Variants in CYP4A22 observed in about 807,000 individuals in gnomAD.
The protein encoded by CYP4A22 is cytochrome P450 4A22.
A neutral mutation model predicts 56.2 loss-of-function variants in CYP4A22; 46 were observed. The ratio of observed to expected loss-of-function variants is 0.82; its 90% CI spans 0.65 to 1.05. The LOEUF is 1.05. CYP4A22 is among the 50% of genes least tolerant of loss of function. The pLI is 0.00. For synonymous variants in CYP4A22, 193 were observed against 251.1 expected, an observed-to-expected ratio of 0.77 and a Z score of 2.19; for missense variants, 541 against 645.9, an observed-to-expected ratio of 0.84 and a Z score of 1.76.
At chr1:47,148,158 C>G (rs1203176574) in intron 11 of CYP4A22, among the ~76,000 whole-genome samples, 2 of 152,176 alleles carry the variant, frequency 1.3e-5, no homozygotes, top group Middle Eastern at 3.2e-3. Flanking sequence ...GATTCAGGTC[C>G]CTGTGTGTCC....
Position 47,144,747 on chromosome 1 carries a change from G to A in CYP4A22, c.1088+7G>A. ...ATGGAGCCTCCATCACCTGGTGAGTGAGGGCTCAAAAGATGGGGTTCCCTG... is the reference window on the plus strand; with the variant it reads ...ATGGAGCCTCCATCACCTGGTGAGTAAGGGCTCAAAAGATGGGGTTCCCTG... On this transcript the variant is annotated splice_region_variant and intron_variant, in intron 8 of 11. Coordinates refer to ENST00000371891, the MANE Select transcript of CYP4A22 (RefSeq NM_001010969.4). The A allele has an allele frequency of 3.1e-6, 5 of 1,613,678 alleles. No individual in the cohort carries two copies. Among genetic ancestry groups the A allele is most frequent in the Non-Finnish European group, 4.2e-6 (5 of 1,179,756 alleles).
chr1:47,143,338 C>T lies in CYP4A22; in HGVS notation c.580C>T (p.Leu194=). 1.9e-6 allele frequency: 3 copies of T among 1,613,950 alleles called. No homozygotes were observed. The South Asian group carries it at 3.3e-5, about 18-fold the overall frequency. ...EVFQHVSLMT[L]DTIMKSAFSH... is the part of the protein sequence containing the mutation. ...CTTTCAGCACGTCTCCTTGATGACC[C>T]TGGACACCATCATGAAGAGTGCCTT... Residue 194 remains leucine, a synonymous_variant, in exon 5 of 12, where the codon CTG becomes TTG. Transcript: ENST00000371891.
chr1:47,144,176 C>T (rs1360225337), intron 6 of CYP4A22, among the ~76,000 whole-genome samples, 181 bp from the exon 7 acceptor site: 1 of 152,210 alleles, frequency 6.6e-6, no homozygotes, highest in Non-Finnish European at 1.5e-5. Flanking sequence ...ATGAACTGTG[C>T]CACTGGTGGG....
rs1645106322 is a variant in CYP4A22 at position 47,149,207 on chromosome 1, T to A, written c.*410T>A. The A allele has an allele frequency of 6.1e-6, 1 of 164,624 alleles. No homozygotes were observed. Among genetic ancestry groups the A allele is most frequent in the Admixed American group, 6.0e-5 (1 of 16,530 alleles). 10.2% of individuals were successfully genotyped at this position (164,624 alleles called of 1,614,324 possible). ...AAAACCCCTCGTGGCTTGGATAGAA[T>A]CCAGGGCTCGTGGCTCTGGAATGTG... On this transcript the variant is annotated 3_prime_UTR_variant, in exon 12 of 12. Coordinates refer to ENST00000371891, the MANE Select transcript of CYP4A22 (RefSeq NM_001010969.4).
chr1:47,143,596 A>C (rs1388484676), intron 5 of CYP4A22, among the ~76,000 whole-genome samples, 166 bp from the exon 6 acceptor site: 1 of 152,190 alleles, frequency 6.6e-6, no homozygotes, highest in Non-Finnish European at 1.5e-5. Context: ...CTGGATGTTC[A>C]TACCATCTGA....
At chr1:47,148,542 T>C in intron 11 of CYP4A22, 60 bp from the exon 12 acceptor site, 1 of 1,535,170 alleles carries the variant, frequency 6.5e-7, no homozygotes, top group Non-Finnish European at 8.8e-7. Context: ...GGCCAAAACC[T>C]GCTCAGATCA....
In CYP4A22 at chr1:47,144,468, G is replaced by A; in HGVS notation, c.897+5G>A. Reference sequence around the variant, plus strand: ...GACATCCTCCTCTTGGCCAAAGTGAGTATGTGTAGGAGAGGCCTGAGTCTT... The same window carrying A: ...GACATCCTCCTCTTGGCCAAAGTGAATATGTGTAGGAGAGGCCTGAGTCTT... On this transcript the variant is annotated splice_donor_5th_base_variant and intron_variant, in intron 7 of 11. Coordinates refer to ENST00000371891, the MANE Select transcript of CYP4A22 (RefSeq NM_001010969.4). The A allele has an allele frequency of 6.2e-7, 1 of 1,614,022 alleles. No homozygotes were observed.
intron 4 of CYP4A22, among the ~76,000 whole-genome samples, chr1:47,142,687 C>T (rs1406485985): frequency 5.9e-5 from 9 of 152,196 alleles, no homozygotes; most frequent in Non-Finnish European, 1.2e-4. Flanking sequence ...GAAATGAACA[C>T]CAGGTCTATG....
intron 11 of CYP4A22, chr1:47,146,732 T>G: frequency 1.0e-6 from 1 of 988,946 alleles, no homozygotes; most frequent in Non-Finnish European, 1.2e-6. Context: ...GTGTGTCATA[T>G]CATACATTTT....
Position 47,140,916 on chromosome 1 carries a change from G to A in CYP4A22, c.332G>A (p.Arg111Lys), listed in dbSNP as rs1282414705. Residue 111 changes from arginine to lysine, a missense_variant, in exon 2 of 12, where the codon AGA becomes AAA. By Grantham distance (26) the Arg-to-Lys change is conservative. This residue lies in a region of CYP4A22 where 335 missense variants were observed against 361.2 expected (regional missense o/e 0.93). Transcript: ENST00000371891. ...DPDYMKVILG[R>K]SDPKSHGSYK... The stretch of plus-strand genomic sequence containing the variant: ...GACTATATGAAGGTGATTCTGGGGA[G>A]ATCAGGTGAGATCGAACCCCCATCC... 6.2e-7 allele frequency: 1 copy of A among 1,613,832 alleles called. No homozygotes were observed. Among genetic ancestry groups the A allele is most frequent in the East Asian group, 2.2e-5 (1 of 44,880 alleles).
chr1:47,138,864 A>G (rs1287694620), intron 1 of CYP4A22, among the ~76,000 whole-genome samples: 1 of 152,220 alleles, frequency 6.6e-6, no homozygotes, highest in East Asian at 1.9e-4. Flanking sequence ...AGAGCAAGGT[A>G]AACGGCTGCA....
intron 11 of CYP4A22, chr1:47,146,628 A>G (rs1048063179): frequency 1.1e-5 from 11 of 1,010,690 alleles, no homozygotes; most frequent in Non-Finnish European, 1.1e-5. Context: ...AAATCTTTGC[A>G]TCTGTTTATA....
intron 1 of CYP4A22, 94 bp from the exon 2 acceptor site, chr1:47,140,686 G>A (rs752124365): frequency 1.0e-4 from 156 of 1,545,778 alleles, no homozygotes; most frequent in Middle Eastern, 1.7e-4. Context: ...TCCCTAACCC[G>A]TGCTACATGG....
At chr1:47,145,724 C>T in intron 9 of CYP4A22, 142 bp from the exon 10 acceptor site, 5 of 1,220,670 alleles carry the variant, frequency 4.1e-6, no homozygotes, top group Non-Finnish European at 4.7e-6. Context: ...AACCCACCTG[C>T]ATAATGGCAG....
chr1:47,139,968 T>C (rs1644988886), intron 1 of CYP4A22, among the ~76,000 whole-genome samples: 1 of 152,132 alleles, frequency 6.6e-6, no homozygotes, highest in Non-Finnish European at 1.5e-5. Flanking sequence ...GGTGTGTGAA[T>C]CAGCAGCAGT....
intron 1 of CYP4A22, among the ~76,000 whole-genome samples, chr1:47,139,663 A>AG (rs1328500532): frequency 6.6e-6 from 1 of 152,224 alleles, no homozygotes; most frequent in East Asian, 1.9e-4. Flanking sequence ...CCTACCCCAC[A>AG]GTAGGGCAAG....
At chr1:47,146,622 C>A (rs1273613340) in intron 11 of CYP4A22, 19 of 1,011,112 alleles carry the variant, frequency 1.9e-5, no homozygotes, top group African/African-American at 3.4e-5. Flanking sequence ...TCATTGAAAT[C>A]TTTGCATCTG....
At chr1:47,141,780 G>A (rs116909100) in intron 3 of CYP4A22, among the ~76,000 whole-genome samples, 165 bp downstream of exon 3, 8 of 152,070 alleles carry the variant, frequency 5.3e-5, no homozygotes, top group Non-Finnish European at 1.0e-4. Flanking sequence ...CCTAATGCTG[G>A]TGCAAACCTT....
chr1:47,148,578 A>G (rs1476428639), intron 11 of CYP4A22, 24 bp from the exon 12 acceptor site: 1 of 1,590,124 alleles, frequency 6.3e-7, no homozygotes, highest in Non-Finnish European at 8.6e-7. Context: ...ACACGTCTCA[A>G]TTCATTGTCT....
Sources: gnomAD v4.1 joint callset for allele counts (sites outside exome capture counted in the v4.1 genomes callset) on GRCh38, gnomAD v4.1.1 for gene constraint, gnomAD v4.1.1 regional missense constraint, MANE v1.5 for transcripts, NCBI Gene and HGNC (gene_info 2026-07-23, HGNC 2026-07-21) for gene names.